ESRRG: variants seen among roughly 807,000 people sequenced by gnomAD.
ESRRG encodes estrogen related receptor gamma.
ESRRG carries 13 observed loss-of-function variants against 44.0 expected under a neutral mutation model. The observed-to-expected ratio is 0.30, with a 90% CI of 0.19 to 0.47. ESRRG has a LOEUF of 0.47. ESRRG is among the 20% of genes least tolerant of loss of function. The pLI, the probability that ESRRG is intolerant of heterozygous loss-of-function variation, is 1.00. For synonymous variants in ESRRG, 215 were observed against 214.6 expected, an observed-to-expected ratio of 1.00 and a Z score of -0.02; for missense variants, 395 against 580.6, an observed-to-expected ratio of 0.68 and a Z score of 3.29.
chr1:216,880,179 C>G (rs1003171888), intron 2 of ESRRG, among the ~76,000 whole-genome samples: 1 of 150,934 alleles, frequency 6.6e-6, no homozygotes, highest in East Asian at 2.0e-4. Flanking sequence ...TGGTGGTGGG[C>G]GCCTGTAATC....
At chr1:216,728,634 CATATA>C (rs1367345367) in intron 2 of ESRRG, among the ~76,000 whole-genome samples, 2 of 151,904 alleles carry the variant, frequency 1.3e-5, no homozygotes, top group African/African-American at 2.4e-5. Flanking sequence ...CCCCATTCAA[CATATA>C]ATATATTTGA....
intron 3 of ESRRG, among the ~76,000 whole-genome samples, chr1:216,572,156 G>T (rs986029273): frequency 6.6e-6 from 1 of 151,992 alleles, no homozygotes; most frequent in Non-Finnish European, 1.5e-5. Flanking sequence ...GTATTATTTG[G>T]TTTACCTGAT....
intron 3 of ESRRG, among the ~76,000 whole-genome samples, chr1:216,577,806 A>T (rs559439035): frequency 5.0e-4 from 76 of 152,180 alleles, no homozygotes; most frequent in African/African-American, 1.8e-3. Flanking sequence ...TGGCAGAGAA[A>T]GGTGCCATAT....
At chr1:216,849,507 T>C (rs538088279) in intron 2 of ESRRG, among the ~76,000 whole-genome samples, 2 of 152,270 alleles carry the variant, frequency 1.3e-5, no homozygotes, top group East Asian at 3.9e-4. Flanking sequence ...TGAACTCAGA[T>C]TCCACTAGTT....
rs79891957 is a variant in ESRRG at position 216,674,976 on chromosome 1, A to G, written c.472+2100T>C. On this transcript the variant is annotated intron_variant, in intron 2 of 6. Transcript: ENST00000408911. The stretch of plus-strand genomic sequence containing the variant: ...CAAGGAAGTTATGTAACAGACAACA[A>G]AAAAGCAAGGGAGAGCCAGTACAAG... Among the ~76,000 whole-genome samples, 222 of 152,330 alleles carry G rather than the reference A, an allele frequency of 1.5e-3. 5 individuals are homozygous for G. In the East Asian group the frequency reaches 0.038, roughly 26 times the overall value.
intron 2 of ESRRG, among the ~76,000 whole-genome samples, chr1:216,665,274 G>A (rs956217829): frequency 2.0e-5 from 3 of 151,868 alleles, no homozygotes; most frequent in South Asian, 4.2e-4. Context: ...ATCTCTATAC[G>A]GTTCAGTCCC....
In ESRRG at chr1:216,827,948, TACTC is replaced by T. The variant is rs560846800; in HGVS notation, c.-14+111630_-14+111633del. ...CAGAATTTCATAGGCTGGAAACTGG[TACTC>T]ACATACAAGAAAAATTGTGAACTTC... On this transcript the variant is annotated intron_variant, in intron 2 of 7. Coordinates refer to the ESRRG transcript ENST00000359162. 2.6e-4 allele frequency among the ~76,000 whole-genome samples: 39 copies of T among 152,318 alleles called. No homozygotes were observed. In the East Asian group the frequency reaches 6.2e-3, roughly 24 times the overall value.
chr1:216,575,545 A>C lies in ESRRG; in HGVS notation c.590-7447T>G, dbSNP rs116609085. Among the ~76,000 whole-genome samples, 648 of 152,240 alleles carry C rather than the reference A, an allele frequency of 4.3e-3. 7 individuals are homozygous for C. The highest frequency in any genetic ancestry group is 0.015 in the African/African-American group (622 of 41,546). ...TTATCATGTGCTAGGCAACGGCTTA[A>C]TGACTTAATGCATATTAACACATTT... On this transcript the variant is annotated intron_variant, in intron 3 of 6. Coordinates refer to ENST00000408911, the MANE Select transcript of ESRRG (RefSeq NM_001438.4).
intron 2 of ESRRG, among the ~76,000 whole-genome samples, chr1:216,750,767 T>TA (rs398103697): frequency 0.018 from 2,687 of 150,874 alleles, 48 homozygotes; most frequent in African/African-American, 0.043. Context: ...TACCTTTTTT[T>TA]AAAAAAAAAC....
At chr1:216,518,502 T>C (rs887632451) in intron 6 of ESRRG, among the ~76,000 whole-genome samples, 2 of 152,000 alleles carry the variant, frequency 1.3e-5, no homozygotes, top group Admixed American at 6.6e-5. Flanking sequence ...TTTATGCAAA[T>C]GCTAAAAGAG....
At chr1:216,944,551 G>T (rs2065769467) in intron 1 of ESRRG, among the ~76,000 whole-genome samples, 1 of 152,138 alleles carries the variant, frequency 6.6e-6, no homozygotes, top group South Asian at 2.1e-4. Context: ...GTTCTTCTTG[G>T]TTTATCATCC....
At chr1:216,892,946 C>T (rs1018629514) in intron 2 of ESRRG, among the ~76,000 whole-genome samples, 4 of 152,056 alleles carry the variant, frequency 2.6e-5, no homozygotes, top group Non-Finnish European at 5.9e-5. Context: ...TAAAGGTTAC[C>T]GTGATCAGTC....
chr1:216,787,273 C>T (rs2094158980), intron 2 of ESRRG, among the ~76,000 whole-genome samples: 2 of 151,976 alleles, frequency 1.3e-5, no homozygotes, highest in Non-Finnish European at 1.5e-5. Context: ...CATCCCTATT[C>T]TCTGAGACAC....
At chr1:216,630,344 T>C (rs1434482917) in intron 3 of ESRRG, among the ~76,000 whole-genome samples, 1 of 152,106 alleles carries the variant, frequency 6.6e-6, no homozygotes, top group African/African-American at 2.4e-5. Context: ...TGAATTACAG[T>C]TAGACTTTGG....
chr1:217,067,259 T>C (rs2089879805), intron 1 of ESRRG, among the ~76,000 whole-genome samples: 1 of 152,222 alleles, frequency 6.6e-6, no homozygotes, highest in South Asian at 2.1e-4. Context: ...TTTCTTCTAA[T>C]TTCTAGGAGT....
At chr1:216,732,229 G>C (rs757289795) in intron 2 of ESRRG, among the ~76,000 whole-genome samples, 1 of 151,200 alleles carries the variant, frequency 6.6e-6, no homozygotes, top group Non-Finnish European at 1.5e-5. Context: ...TGCTCCTTTT[G>C]TTCCTCACAA....
chr1:216,640,333 C>G (rs1447574566), intron 3 of ESRRG, among the ~76,000 whole-genome samples: 1 of 152,098 alleles, frequency 6.6e-6, no homozygotes, highest in East Asian at 1.9e-4. Flanking sequence ...TTTGGGGAAG[C>G]CGCTGACCTA....
intron 1 of ESRRG, among the ~76,000 whole-genome samples, chr1:217,035,689 A>AT (rs2151071572): frequency 6.6e-6 from 1 of 152,142 alleles, no homozygotes; most frequent in Non-Finnish European, 1.5e-5. Context: ...TGAAAAAAAA[A>AT]AAAAAATCAG....
intron 1 of ESRRG, among the ~76,000 whole-genome samples, chr1:217,132,206 G>C (rs1212286213): frequency 6.6e-6 from 1 of 152,116 alleles, no homozygotes; most frequent in Non-Finnish European, 1.5e-5. Flanking sequence ...TGTTGCTCAG[G>C]CTGGTCTCAA....
Sources: gnomAD v4.1 joint callset for allele counts (sites outside exome capture counted in the v4.1 genomes callset) on GRCh38, gnomAD v4.1.1 for gene constraint, MANE v1.5 for transcripts, NCBI Gene and HGNC (gene_info 2026-07-23, HGNC 2026-07-21) for gene names.